LUZP2: variants seen among roughly 807,000 people sequenced by gnomAD.
The protein encoded by LUZP2 is leucine zipper protein 2.
Under a neutral mutation model 51.6 loss-of-function variants are expected in LUZP2, and 52 were observed. The observed-to-expected ratio is 1.01, with a 90% CI of 0.81 to 1.27. The LOEUF is 1.27. LUZP2 is among the 50% of genes most tolerant of loss of function. LUZP2 has a pLI of 0.00. For missense variants in LUZP2, 436 were observed against 395.4 expected, an observed-to-expected ratio of 1.10 and a Z score of -0.87; for synonymous variants, 154 against 137.3, an observed-to-expected ratio of 1.12 and a Z score of -0.85.
chr11:24,578,511 A>G (rs1852736144), intron 1 of LUZP2, among the ~76,000 whole-genome samples: 1 of 152,026 alleles, frequency 6.6e-6, no homozygotes, highest in South Asian at 2.1e-4. Context: ...ATCATCCACA[A>G]TAGCAAAGAT....
At chr11:24,740,282 T>C (rs937963987) in intron 4 of LUZP2, among the ~76,000 whole-genome samples, 4 of 152,096 alleles carry the variant, frequency 2.6e-5, no homozygotes, top group East Asian at 3.9e-4. Context: ...CTGTCTGAGA[T>C]CCGAAAAGAA....
At chr11:24,595,099 G>T (rs1249243365) in intron 1 of LUZP2, among the ~76,000 whole-genome samples, 1 of 151,670 alleles carries the variant, frequency 6.6e-6, no homozygotes, top group Non-Finnish European at 1.5e-5. Context: ...TTTCAGGCCT[G>T]GGAATTGCTG....
At chr11:24,798,002 C>A (rs1849592902) in intron 5 of LUZP2, among the ~76,000 whole-genome samples, 1 of 152,034 alleles carries the variant, frequency 6.6e-6, no homozygotes, top group Non-Finnish European at 1.5e-5. Flanking sequence ...GAGAACAGGA[C>A]AAATTTTCCA....
chr11:24,881,009 T>C (rs1333613330), intron 5 of LUZP2, among the ~76,000 whole-genome samples: 1 of 152,146 alleles, frequency 6.6e-6, no homozygotes, highest in Non-Finnish European at 1.5e-5. Context: ...GAATTCAATT[T>C]GTATGAATCT....
At chr11:24,606,968 C>T (rs1853941681) in intron 1 of LUZP2, among the ~76,000 whole-genome samples, 1 of 151,796 alleles carries the variant, frequency 6.6e-6, no homozygotes, top group South Asian at 2.1e-4. Flanking sequence ...GAGTTCAGGT[C>T]CTTTAATCAT....
rs1857727559 is a variant in LUZP2 at position 25,032,748 on chromosome 11, G to T, written c.766-17290G>T. On this transcript the variant is annotated intron_variant, in intron 9 of 11. Coordinates refer to ENST00000336930, the MANE Select transcript of LUZP2 (RefSeq NM_001009909.4). ...AATTGAATAAAAGCACAGAAAGGAT[G>T]CTGTAGGGTTTATTCAAGAGATATG... Among the ~76,000 whole-genome samples, 5 of 152,256 alleles carry T rather than the reference G, an allele frequency of 3.3e-5. No homozygotes were observed. The South Asian group carries it at 1.0e-3, about 32-fold the overall frequency.
At chr11:24,752,948 A>G (rs1859647729) in intron 4 of LUZP2, among the ~76,000 whole-genome samples, 1 of 152,120 alleles carries the variant, frequency 6.6e-6, no homozygotes, top group African/African-American at 2.4e-5. Context: ...TGCATATGTA[A>G]CATAAGCAAG....
At chr11:24,748,286 T>A (rs1859450952) in intron 4 of LUZP2, among the ~76,000 whole-genome samples, 2 of 152,046 alleles carry the variant, frequency 1.3e-5, no homozygotes, top group South Asian at 4.2e-4. Flanking sequence ...CAGGTAAGGT[T>A]GGAAACCTTT....
chr11:24,712,449 C>T (rs758940167), intron 1 of LUZP2, among the ~76,000 whole-genome samples: 3 of 152,196 alleles, frequency 2.0e-5, no homozygotes, highest in Non-Finnish European at 4.4e-5. Context: ...AACACATCAT[C>T]ATCAAGTGAG....
chr11:24,628,217 A>G (rs1414121151), intron 1 of LUZP2, among the ~76,000 whole-genome samples: 1 of 50,850 alleles, frequency 2.0e-5, no homozygotes, highest in Non-Finnish European at 4.3e-5. Flanking sequence ...ATGCATACAC[A>G]CACACACACA....
At chr11:24,659,434 C>T (rs1590309140) in intron 1 of LUZP2, among the ~76,000 whole-genome samples, 3 of 151,698 alleles carry the variant, frequency 2.0e-5, no homozygotes, top group Non-Finnish European at 2.9e-5. Context: ...GTGGGGGGAG[C>T]GGGGAAGGAC....
chr11:24,941,212 C>A (rs1406755617), intron 7 of LUZP2, among the ~76,000 whole-genome samples: 1 of 152,108 alleles, frequency 6.6e-6, no homozygotes, highest in Non-Finnish European at 1.5e-5. Context: ...GTAACTGTAA[C>A]AAACTTTAAC....
At chr11:24,945,575 C>T (rs1854876547) in intron 7 of LUZP2, among the ~76,000 whole-genome samples, 1 of 150,426 alleles carries the variant, frequency 6.6e-6, no homozygotes, top group Non-Finnish European at 1.5e-5. Flanking sequence ...ATCATCTTTC[C>T]AGTGTTTATA....
chr11:24,750,044 A>G (rs1261428912), intron 4 of LUZP2, among the ~76,000 whole-genome samples: 1 of 152,188 alleles, frequency 6.6e-6, no homozygotes, highest in Non-Finnish European at 1.5e-5. Flanking sequence ...CAGTCCCTTA[A>G]AAGAATTATC....
chr11:24,916,058 T>G (rs1853780211), intron 7 of LUZP2, among the ~76,000 whole-genome samples: 1 of 152,018 alleles, frequency 6.6e-6, no homozygotes, highest in African/African-American at 2.4e-5. Context: ...TGTCAAAACA[T>G]TTACATTTCA....
chr11:24,793,147 G>T (rs1365284184), intron 5 of LUZP2, among the ~76,000 whole-genome samples: 1 of 152,086 alleles, frequency 6.6e-6, no homozygotes, highest in African/African-American at 2.4e-5. Flanking sequence ...TTTCCATGCT[G>T]GAACAGGTCA....
intron 5 of LUZP2, among the ~76,000 whole-genome samples, chr11:24,848,698 T>C (rs951678857): frequency 6.6e-6 from 1 of 152,150 alleles, no homozygotes; most frequent in Non-Finnish European, 1.5e-5. Flanking sequence ...CCTGTTAGAG[T>C]TTGCCATCAT....
At chr11:24,526,338 A>G (rs1253969916) in intron 1 of LUZP2, among the ~76,000 whole-genome samples, 1 of 150,948 alleles carries the variant, frequency 6.6e-6, no homozygotes, top group Non-Finnish European at 1.5e-5. Context: ...AACCTAATTC[A>G]TTCAAATTTT....
At chr11:24,648,432 G>T (rs866623717) in intron 1 of LUZP2, among the ~76,000 whole-genome samples, 2 of 151,930 alleles carry the variant, frequency 1.3e-5, no homozygotes, top group African/African-American at 4.8e-5. Context: ...TCAGCTGCTC[G>T]GGTATGTCTA....
Sources: gnomAD v4.1 joint callset for allele counts (sites outside exome capture counted in the v4.1 genomes callset) on GRCh38, gnomAD v4.1.1 for gene constraint, MANE v1.5 for transcripts, NCBI Gene and HGNC (gene_info 2026-07-23, HGNC 2026-07-21) for gene names.